Variants in MAST4 observed in about 807,000 individuals in gnomAD.
MAST4 encodes microtubule associated serine/threonine kinase family member 4.
In MAST4, 89 loss-of-function variants were observed where a neutral mutation model predicts 162.7. The observed-to-expected ratio is 0.55, with a 90% CI of 0.46 to 0.65. The LOEUF (loss-of-function observed/expected upper bound fraction) is 0.65, where lower values mean the gene tolerates loss of function less well. MAST4 is among the 30% of genes least tolerant of loss of function. MAST4 has a pLI of 0.00. For missense variants in MAST4, 3,153 were observed against 3,374.0 expected (o/e 0.93, Z 1.62); for synonymous variants, 1,479 against 1,361.1 (o/e 1.09, Z -1.91).
chr5:66,643,693 CT>C (rs1330225216), intron 1 of MAST4, among the ~76,000 whole-genome samples: 2 of 150,976 alleles, frequency 1.3e-5, no homozygotes, highest in Non-Finnish European at 1.5e-5. Context: ...AAGTGAATTT[CT>C]TTTTTTTTAA....
At chr5:66,709,313 G>A (rs1750344631) in intron 1 of MAST4, among the ~76,000 whole-genome samples, 1 of 152,208 alleles carries the variant, frequency 6.6e-6, no homozygotes. Context: ...GAATACTGAA[G>A]CATCAAAATG....
In MAST4 at chr5:67,160,458, T is replaced by C; in HGVS notation, c.3651T>C (p.Ser1217=). 1 of 1,604,938 alleles carries C rather than the reference T, an allele frequency of 6.2e-7. No homozygotes were observed. Among genetic ancestry groups the C allele is most frequent in the Non-Finnish European group, 8.5e-7 (1 of 1,176,230 alleles). The part of the protein sequence containing the change: ...HTEVIELLLK[S]GNKVSITTTP... Reference sequence around the variant, plus strand: ...ATGCCACCTCATCTTTTCTTTAGAGTGGGAATAAGGTGTCAATCACTACTA... The same window carrying C: ...ATGCCACCTCATCTTTTCTTTAGAGCGGGAATAAGGTGTCAATCACTACTA... Residue 1217 remains serine (S), a splice_region_variant and synonymous_variant, in exon 27 of 29, where the codon AGT becomes AGC. Coordinates refer to ENST00000403625, the MANE Select transcript of MAST4 (RefSeq NM_001164664.2).
intron 1 of MAST4, among the ~76,000 whole-genome samples, chr5:66,672,774 G>A (rs1014100149): frequency 6.6e-6 from 1 of 152,190 alleles, no homozygotes; most frequent in African/African-American, 2.4e-5. Context: ...CTGGACCCGA[G>A]TGAGGAATTC....
At chr5:66,676,378 G>T (rs1233491630) in intron 1 of MAST4, among the ~76,000 whole-genome samples, 1 of 152,142 alleles carries the variant, frequency 6.6e-6, no homozygotes, top group Non-Finnish European at 1.5e-5. Flanking sequence ...GCTCTTGGGG[G>T]ATATTCAAAT....
At chr5:66,911,557 A>C (rs1580848726) in intron 4 of MAST4, among the ~76,000 whole-genome samples, 2 of 12,870 alleles carry the variant, frequency 1.6e-4, no homozygotes, top group African/African-American at 6.2e-4. Flanking sequence ...AAACAACAAC[A>C]ACCCCCCCCC....
intron 3 of MAST4, among the ~76,000 whole-genome samples, chr5:66,797,018 T>C (rs531353001): frequency 6.6e-6 from 1 of 152,230 alleles, no homozygotes; most frequent in Non-Finnish European, 1.5e-5. Flanking sequence ...GGTTTCCGTG[T>C]CTGAGGAAAT....
intron 4 of MAST4, among the ~76,000 whole-genome samples, chr5:66,944,717 T>C (rs2150112768): frequency 6.6e-6 from 1 of 152,260 alleles, no homozygotes; most frequent in South Asian, 2.1e-4. Context: ...AACACCCATG[T>C]ATTATCTCAC....
chr5:66,657,223 T>G (rs183966389), intron 1 of MAST4, among the ~76,000 whole-genome samples: 57 of 152,368 alleles, frequency 3.7e-4, no homozygotes, highest in Non-Finnish European at 7.8e-4. Flanking sequence ...TGTTTGGGTA[T>G]TTGGATGTCC....
At chr5:66,988,253 G>A (rs1002595321) in intron 4 of MAST4, among the ~76,000 whole-genome samples, 21 of 152,288 alleles carry the variant, frequency 1.4e-4, no homozygotes, top group Middle Eastern at 3.4e-3. Context: ...GTTATCCTTA[G>A]CATTGGGATT....
At chr5:66,905,474 A>G (rs189055687) in intron 4 of MAST4, among the ~76,000 whole-genome samples, 159 of 152,286 alleles carry the variant, frequency 1.0e-3, no homozygotes, top group South Asian at 4.8e-3. Context: ...GCTTATTTTA[A>G]TTAACTGATC....
chr5:67,056,708 T>C (rs1029652347), intron 5 of MAST4, among the ~76,000 whole-genome samples: 1 of 152,220 alleles, frequency 6.6e-6, no homozygotes, highest in Non-Finnish European at 1.5e-5. Flanking sequence ...GTTTTGTTTT[T>C]GTTTTTGAGA....
At chr5:66,856,070 G>T (rs1258163449) in intron 3 of MAST4, among the ~76,000 whole-genome samples, 2 of 152,160 alleles carry the variant, frequency 1.3e-5, no homozygotes, top group Admixed American at 6.5e-5. Flanking sequence ...TCAGGTGGGA[G>T]GACTGCTTGA....
intron 26 of MAST4, among the ~76,000 whole-genome samples, chr5:67,155,587 T>C (rs944593221): frequency 6.6e-6 from 1 of 152,122 alleles, no homozygotes; most frequent in Non-Finnish European, 1.5e-5. Flanking sequence ...CCCCAATGCA[T>C]AGGAGAAGCC....
At chr5:66,652,023 A>G (rs1665486399) in intron 1 of MAST4, among the ~76,000 whole-genome samples, 1 of 152,172 alleles carries the variant, frequency 6.6e-6, no homozygotes, top group Non-Finnish European at 1.5e-5. Context: ...GGTCCAGCCC[A>G]CATTTAAGGG....
At chr5:66,874,282 G>T (rs1018594694) in intron 3 of MAST4, among the ~76,000 whole-genome samples, 2 of 152,168 alleles carry the variant, frequency 1.3e-5, no homozygotes, top group Non-Finnish European at 2.9e-5. Context: ...CCATGGAGCA[G>T]TTATTTGTAG....
intron 1 of MAST4, among the ~76,000 whole-genome samples, chr5:66,615,837 CA>C (rs1743640015): frequency 6.6e-6 from 1 of 152,168 alleles, no homozygotes; most frequent in African/African-American, 2.4e-5. Flanking sequence ...GAGATCCAGA[CA>C]GACTGAAAAG....
rs181855082 is a variant in MAST4 at position 66,849,206 on chromosome 5, T to C, written c.643-50745T>C. ...CCCTGTGGCATTGTTGCAGAGCTGA[T>C]GGAAATTTTGGGGGGTTCTGTCTAG... On this transcript the variant is annotated intron_variant, in intron 3 of 28. Coordinates refer to ENST00000403625, the MANE Select transcript of MAST4 (RefSeq NM_001164664.2). 1.7e-4 allele frequency among the ~76,000 whole-genome samples: 26 copies of C among 152,274 alleles called. No individual in the cohort carries two copies. The East Asian group carries it at 4.6e-3, about 27-fold the overall frequency.
chr5:66,710,048 C>T (rs1750396843), intron 1 of MAST4, among the ~76,000 whole-genome samples: 1 of 152,232 alleles, frequency 6.6e-6, no homozygotes, highest in South Asian at 2.1e-4. Flanking sequence ...CACTGCCTCT[C>T]TCCTTACTTT....
intron 4 of MAST4, among the ~76,000 whole-genome samples, chr5:66,988,495 A>G (rs1294136098): frequency 2.0e-5 from 3 of 152,222 alleles, no homozygotes; most frequent in Non-Finnish European, 4.4e-5. Context: ...TTTCTGGAAT[A>G]TTAGACACTG....
Sources: gnomAD v4.1 joint callset for allele counts (sites outside exome capture counted in the v4.1 genomes callset) on GRCh38, gnomAD v4.1.1 for gene constraint, MANE v1.5 for transcripts, NCBI Gene and HGNC (gene_info 2026-07-23, HGNC 2026-07-21) for gene names.